SLC4A4: variants seen among roughly 807,000 people sequenced by gnomAD.
The protein encoded by SLC4A4 is electrogenic sodium bicarbonate cotransporter 1.
Under a neutral mutation model 111.5 loss-of-function variants are expected in SLC4A4, and 27 were observed. That is an observed-to-expected ratio of 0.24 (90% CI 0.18 to 0.33). The LOEUF (loss-of-function observed/expected upper bound fraction) is 0.33, where lower values mean the gene tolerates loss of function less well. SLC4A4 is among the 10% of genes least tolerant of loss of function. The pLI is 1.00. For missense variants in SLC4A4, 909 were observed against 1,315.5 expected (o/e 0.69, Z 4.78); for synonymous variants, 443 against 463.4 (o/e 0.96, Z 0.57).
chr4:71,393,205 G>A (rs771835432), intron 6 of SLC4A4, among the ~76,000 whole-genome samples: 3 of 151,962 alleles, frequency 2.0e-5, no homozygotes, highest in African/African-American at 4.8e-5. Flanking sequence ...CATCCAAATC[G>A]GTAAAGAGGA....
chr4:71,522,717 A>G (rs1578107596), intron 16 of SLC4A4, among the ~76,000 whole-genome samples: 2 of 152,294 alleles, frequency 1.3e-5, no homozygotes, highest in East Asian at 3.9e-4. Flanking sequence ...AATTGGTGTA[A>G]TCATAAGATT....
At chr4:71,407,276 AT>A (rs1200196536) in intron 7 of SLC4A4, among the ~76,000 whole-genome samples, 2 of 152,176 alleles carry the variant, frequency 1.3e-5, no homozygotes, top group African/African-American at 4.8e-5. Flanking sequence ...TGGTGACTGG[AT>A]GGATGTTTCT....
At chr4:71,526,844 A>C (rs555678252) in intron 16 of SLC4A4, among the ~76,000 whole-genome samples, 2 of 151,970 alleles carry the variant, frequency 1.3e-5, no homozygotes, top group East Asian at 3.9e-4. Context: ...GGCTGCCTGC[A>C]TTCTTTGGCT....
At chr4:71,486,149 A>C (rs190111868) in intron 14 of SLC4A4, among the ~76,000 whole-genome samples, 2 of 151,700 alleles carry the variant, frequency 1.3e-5, no homozygotes, top group African/African-American at 4.8e-5. Flanking sequence ...TAATATTTCT[A>C]TAAATTAGGA....
intron 6 of SLC4A4, among the ~76,000 whole-genome samples, chr4:71,364,710 C>T (rs1731091452): frequency 6.6e-6 from 1 of 152,086 alleles, no homozygotes. Context: ...GATTAGGCTT[C>T]AACAGAAGAA....
intron 2 of SLC4A4, among the ~76,000 whole-genome samples, chr4:71,148,926 T>C (rs1176720467): frequency 1.3e-5 from 2 of 152,182 alleles, no homozygotes; most frequent in African/African-American, 4.8e-5. Flanking sequence ...ATTGCTGGGT[T>C]GAATGGTATT....
At chr4:71,540,761 T>C (rs765546305) in intron 18 of SLC4A4, among the ~76,000 whole-genome samples, 12 of 152,156 alleles carry the variant, frequency 7.9e-5, no homozygotes, top group Non-Finnish European at 1.6e-4. Flanking sequence ...CCTCAATTAA[T>C]AATCTGTATC....
chr4:71,094,416 C>A (rs7690948), intron 2 of SLC4A4, among the ~76,000 whole-genome samples: 1 of 146,798 alleles, frequency 6.8e-6, no homozygotes, highest in African/African-American at 2.5e-5. Context: ...CTATTTTTGG[C>A]ATTACATTAT....
At chr4:71,555,276 A>T in intron 21 of SLC4A4, 68 bp downstream of exon 21, 1 of 1,036,918 alleles carries the variant, frequency 9.6e-7, no homozygotes, top group South Asian at 1.3e-5. Flanking sequence ...CCAGTAACAG[A>T]TCTTTGAAGA....
At chr4:71,269,752 C>T (rs1722567428) in intron 3 of SLC4A4, among the ~76,000 whole-genome samples, 1 of 152,066 alleles carries the variant, frequency 6.6e-6, no homozygotes, top group Non-Finnish European at 1.5e-5. Flanking sequence ...CCATATTTTA[C>T]AAATGAAGAA....
chr4:71,132,680 TGCATA>T (rs1743739009), intron 2 of SLC4A4, among the ~76,000 whole-genome samples: 2 of 152,198 alleles, frequency 1.3e-5, no homozygotes, highest in South Asian at 4.2e-4. Context: ...TTACTGGTAT[TGCATA>T]GTAAGATGAA....
intron 16 of SLC4A4, among the ~76,000 whole-genome samples, chr4:71,507,990 G>C (rs961810528): frequency 1.3e-5 from 2 of 151,994 alleles, no homozygotes; most frequent in African/African-American, 2.4e-5. Flanking sequence ...ATGACTTTTG[G>C]GAAAATAATG....
chr4:71,261,419 T>A (rs1721846016), intron 3 of SLC4A4, among the ~76,000 whole-genome samples: 1 of 152,210 alleles, frequency 6.6e-6, no homozygotes, highest in African/African-American at 2.4e-5. Context: ...GAAATTAATC[T>A]GGTTAAGAAG....
chr4:71,221,544 G>A (rs182811786), intron 1 of SLC4A4, among the ~76,000 whole-genome samples: 74 of 152,028 alleles, frequency 4.9e-4, no homozygotes, highest in African/African-American at 1.8e-3. Flanking sequence ...AATTTGAATC[G>A]TGGGTGTTAA....
In SLC4A4 at chr4:71,549,750, A is replaced by G. The variant is rs140985912; in HGVS notation, c.2694+2030A>G. ...CACAGAGAATAGATACTGTATAATT[A>G]CTATTTTTAGGAGAGATGCAAGACT... On this transcript the variant is annotated intron_variant, in intron 20 of 25. Transcript: ENST00000264485. Among the ~76,000 whole-genome samples the G allele has an allele frequency of 3.2e-3, 482 of 151,900 alleles. 4 individuals are homozygous for G. The highest frequency in any genetic ancestry group is 0.011 in the African/African-American group (443 of 41,480).
intron 2 of SLC4A4, among the ~76,000 whole-genome samples, chr4:71,145,707 T>A (rs535063387): frequency 6.6e-6 from 1 of 152,350 alleles, no homozygotes; most frequent in East Asian, 1.9e-4. Flanking sequence ...TTTATCCATT[T>A]CTTCTAGATT....
At chr4:71,567,704 G>T in intron 25 of SLC4A4, 84 bp from the exon 26 acceptor site, 2 of 614,832 alleles carry the variant, frequency 3.3e-6, no homozygotes, top group South Asian at 4.5e-5. Flanking sequence ...GGACACATTT[G>T]ACTTCTATAC....
chr4:71,184,534 T>A (rs964734039), upstream of SLC4A4, among the ~76,000 whole-genome samples: 1 of 152,128 alleles, frequency 6.6e-6, no homozygotes, highest in African/African-American at 2.4e-5. Context: ...GTACAGAGAG[T>A]TGTTGATTAA....
chr4:71,085,727 A>G (rs1578463774), intron 1 of SLC4A4, among the ~76,000 whole-genome samples: 1 of 151,916 alleles, frequency 6.6e-6, no homozygotes, highest in South Asian at 2.1e-4. Context: ...GATTTGCGGC[A>G]TTATTTCTGA....
Sources: allele counts gnomAD v4.1 joint callset (sites outside exome capture counted in the v4.1 genomes callset), GRCh38; gene constraint gnomAD v4.1.1; transcripts MANE v1.5; gene names NCBI Gene and HGNC (gene_info 2026-07-23, HGNC 2026-07-21).